Variants in COL6A6 observed in about 807,000 individuals in gnomAD.
COL6A6 encodes collagen type VI alpha 6 chain, also known as collagen alpha-6(VI) chain.
In COL6A6, 183 loss-of-function variants were observed where a neutral mutation model predicts 208.6. That is an observed-to-expected ratio of 0.88 (90% confidence interval 0.78 to 0.99). COL6A6 has a LOEUF of 0.99. Among genes scored for constraint, COL6A6 ranks in the 50% least tolerant of loss-of-function variants. The pLI is 0.00. For synonymous variants in COL6A6, 973 were observed against 1,011.8 expected, an observed-to-expected ratio of 0.96 and a Z score of 0.73; for missense variants, 2,816 against 2,815.2, an observed-to-expected ratio of 1.00 and a Z score of -0.01.
intron 1 of COL6A6, among the ~76,000 whole-genome samples, chr3:130,525,473 C>CT (rs562205705): frequency 1.2e-3 from 183 of 152,222 alleles, no homozygotes; most frequent in Admixed American, 3.9e-3. Flanking sequence ...GTCCATTCTC[C>CT]TTTTTTTGCT....
At chr3:130,517,050 C>T (rs919862339), upstream of COL6A6, among the ~76,000 whole-genome samples, 18 of 152,220 alleles carry the variant, frequency 1.2e-4, no homozygotes, top group Admixed American at 1.3e-4. Context: ...GTCCCGCTTC[C>T]GTCACCTCCC....
At chr3:130,585,112 C>T (rs1054038374) in intron 10 of COL6A6, among the ~76,000 whole-genome samples, 1 of 152,188 alleles carries the variant, frequency 6.6e-6, no homozygotes, top group African/African-American at 2.4e-5. Flanking sequence ...TATTCTGGTT[C>T]ATTGGTACCC....
chr3:130,593,000 C>T, intron 15 of COL6A6, 61 bp from the exon 16 acceptor site: 1 of 1,455,282 alleles, frequency 6.9e-7, no homozygotes, highest in Non-Finnish European at 9.6e-7. Flanking sequence ...TTTTGTTTGG[C>T]ATCTGACTTC....
intron 26 of COL6A6, among the ~76,000 whole-genome samples, chr3:130,628,839 G>C (rs2064973662): frequency 1.1e-5 from 1 of 87,560 alleles, no homozygotes; most frequent in Admixed American, 1.5e-4. Flanking sequence ...TGAGGGTCCT[G>C]TCTGTTAGAA....
intron 34 of COL6A6, 51 bp downstream of exon 34, chr3:130,658,823 A>G: frequency 7.6e-7 from 1 of 1,314,684 alleles, no homozygotes; most frequent in Non-Finnish European, 1.1e-6. Context: ...AAGCATGATG[A>G]GTCACCACTG....
chr3:130,644,867 T>C (rs926561709), intron 31 of COL6A6, 124 bp from the exon 32 acceptor site: 4 of 839,186 alleles, frequency 4.8e-6, no homozygotes, highest in Admixed American at 3.7e-5. Context: ...CTCCAAACTC[T>C]GTTGCCTTGA....
intron 20 of COL6A6, among the ~76,000 whole-genome samples, chr3:130,601,495 G>A (rs889734712): frequency 5.3e-5 from 8 of 152,188 alleles, no homozygotes; most frequent in Admixed American, 3.3e-4. Context: ...TTCTAAAAGG[G>A]TGTAGTCAGC....
chr3:130,597,940 C>G (rs574716697), intron 18 of COL6A6, among the ~76,000 whole-genome samples: 42 of 152,256 alleles, frequency 2.8e-4, no homozygotes, highest in African/African-American at 9.9e-4. Context: ...CAAATTTTGT[C>G]TTTTCCCAAG....
At chr3:130,553,637 T>G (rs891357154) in intron 1 of COL6A6, among the ~76,000 whole-genome samples, 1 of 115,322 alleles carries the variant, frequency 8.7e-6, no homozygotes, top group South Asian at 2.3e-4. Flanking sequence ...ATACTCTGGG[T>G]TTTTTTTTTC....
At chr3:130,530,995 T>A (rs2062068020) in intron 1 of COL6A6, among the ~76,000 whole-genome samples, 1 of 150,558 alleles carries the variant, frequency 6.6e-6, no homozygotes, top group African/African-American at 2.4e-5. Context: ...TCTCTTTCTC[T>A]CCTCTCCACC....
At chr3:130,610,097 T>G (rs1177054228) in intron 22 of COL6A6, among the ~76,000 whole-genome samples, 2 of 152,066 alleles carry the variant, frequency 1.3e-5, no homozygotes, top group African/African-American at 4.8e-5. Context: ...TATAGAAACT[T>G]ACTTTTTTTA....
At chr3:130,670,392 G>A (rs1197197221) in intron 36 of COL6A6, among the ~76,000 whole-genome samples, 1 of 152,152 alleles carries the variant, frequency 6.6e-6, no homozygotes, top group African/African-American at 2.4e-5. Flanking sequence ...ACAGCACTTG[G>A]GGTTTAGTGC....
At chr3:130,639,652 A>G (rs1021581114) in intron 28 of COL6A6, among the ~76,000 whole-genome samples, 1 of 149,500 alleles carries the variant, frequency 6.7e-6, no homozygotes, top group African/African-American at 2.5e-5. Context: ...AGATTGCACT[A>G]CTGCATTCGA....
intron 10 of COL6A6, among the ~76,000 whole-genome samples, chr3:130,582,983 CTG>C (rs2063459770): frequency 6.6e-6 from 1 of 152,202 alleles, no homozygotes; most frequent in Non-Finnish European, 1.5e-5. Flanking sequence ...AGCTGCAACA[CTG>C]TCTTCTTGCT....
intron 2 of COL6A6, 112 bp downstream of exon 2, chr3:130,560,540 G>T: frequency 1.1e-6 from 1 of 896,688 alleles, no homozygotes; most frequent in Non-Finnish European, 1.7e-6. Context: ...TGATTTTGAT[G>T]GTAGTGAGAT....
intron 1 of COL6A6, among the ~76,000 whole-genome samples, chr3:130,535,361 TA>T (rs1379835686): frequency 3.3e-5 from 5 of 152,206 alleles, no homozygotes; most frequent in African/African-American, 9.6e-5. Flanking sequence ...CCTCATTTTA[TA>T]CTTTTTTGTG....
At chr3:130,580,701 T>C (rs1331153998) in intron 8 of COL6A6, among the ~76,000 whole-genome samples, 2 of 152,250 alleles carry the variant, frequency 1.3e-5, no homozygotes, top group Non-Finnish European at 2.9e-5. Flanking sequence ...ATGAGTCACA[T>C]GACTTTATTG....
chr3:130,667,287 C>T (rs570520140), intron 36 of COL6A6, among the ~76,000 whole-genome samples: 5 of 152,108 alleles, frequency 3.3e-5, no homozygotes, highest in Non-Finnish European at 7.4e-5. Flanking sequence ...CCCAGGCTGG[C>T]GTGCAGTGGC....
chr3:130,622,558 T>C (rs1346084069), intron 24 of COL6A6, among the ~76,000 whole-genome samples: 1 of 152,112 alleles, frequency 6.6e-6, no homozygotes, highest in Non-Finnish European at 1.5e-5. Flanking sequence ...AGAGGCATCA[T>C]AGAAAATACA....
Sources: allele counts gnomAD v4.1 joint callset (sites outside exome capture counted in the v4.1 genomes callset), GRCh38; gene constraint gnomAD v4.1.1; transcripts MANE v1.5; gene names NCBI Gene and HGNC (gene_info 2026-07-23, HGNC 2026-07-21).